MTMR8: variants seen among roughly 807,000 people sequenced by gnomAD.
MTMR8 encodes myotubularin related protein 8.
A neutral mutation model predicts 39.3 loss-of-function variants in MTMR8; 65 were observed. The ratio of observed to expected loss-of-function variants is 1.65; its 90% CI spans 1.35 to 2.03. MTMR8 has a LOEUF of 2.03. MTMR8 is among the 30% of genes most tolerant of loss of function. The pLI is 0.00. For synonymous variants in MTMR8, 245 were observed against 185.2 expected (o/e 1.32, Z -2.62); for missense variants, 777 against 538.9 (o/e 1.44, Z -4.37).
intron 12 of MTMR8, among the ~76,000 whole-genome samples, chrX:64,281,063 G>A (rs1453221864): frequency 1.8e-5 from 2 of 111,298 alleles, no homozygotes; most frequent in Non-Finnish European, 3.8e-5. Context: ...ACAAACAAAT[G>A]GAAAAACATT....
intron 8 of MTMR8, among the ~76,000 whole-genome samples, chrX:64,339,139 G>A (rs1432054410): frequency 1.8e-5 from 2 of 111,302 alleles, no homozygotes; most frequent in Non-Finnish European, 3.8e-5. Context: ...AATAGAGATA[G>A]TAGTATACAC....
At position 64,268,591 on chromosome X, in the gene MTMR8, G is replaced by C; in HGVS notation, c.2061C>G (p.Asp687Glu). ...GFSGDMGILGDTGISKASTKE... is the reference protein window; with the variant it reads ...GFSGDMGILGETGISKASTKE... ...TGGTGCTGGCCTTGGAGATGCCTGTGTCCCCCAAGATGCCCATGTCCCCAG... is the reference window on the plus strand; with the variant it reads ...TGGTGCTGGCCTTGGAGATGCCTGTCTCCCCCAAGATGCCCATGTCCCCAG... Residue 687 changes from aspartate to glutamate, a missense_variant, in exon 14 of 14, where the codon GAC becomes GAG. Coordinates refer to ENST00000374852, the MANE Select transcript of MTMR8 (RefSeq NM_017677.4). 1 of 1,211,038 alleles carries C rather than the reference G, an allele frequency of 8.3e-7. No individual in the cohort carries two copies. The highest frequency in any genetic ancestry group is 1.1e-6 in the Non-Finnish European group (1 of 895,251).
intron 1 of MTMR8, among the ~76,000 whole-genome samples, chrX:64,367,668 A>C (rs919922787): frequency 2.4e-4 from 27 of 112,167 alleles, no homozygotes; most frequent in African/African-American, 7.8e-4. Context: ...GAATGGGCAA[A>C]AACTGGAAGC....
At chrX:64,283,337 T>C (rs1921031172) in intron 12 of MTMR8, among the ~76,000 whole-genome samples, 2 of 112,014 alleles carry the variant, frequency 1.8e-5, no homozygotes, top group Non-Finnish European at 3.8e-5. Context: ...AAGCTCGAAA[T>C]GGGTGGAGCG....
At chrX:64,295,897 T>A (rs1170232441) in intron 12 of MTMR8, among the ~76,000 whole-genome samples, 1 of 111,844 alleles carries the variant, frequency 8.9e-6, no homozygotes, top group Admixed American at 9.5e-5. Context: ...GAAAACAACT[T>A]CGAAGTCGTT....
chrX:64,372,558 T>A (rs1245620571), intron 1 of MTMR8, among the ~76,000 whole-genome samples: 1 of 112,188 alleles, frequency 8.9e-6, no homozygotes, highest in Non-Finnish European at 1.9e-5. Flanking sequence ...AAGAATATTA[T>A]ATAAACAGAA....
chrX:64,363,225 G>T (rs1411128645), intron 1 of MTMR8, among the ~76,000 whole-genome samples: 2 of 111,762 alleles, frequency 1.8e-5, no homozygotes, highest in African/African-American at 6.5e-5. Flanking sequence ...CCATCACTTT[G>T]AGAATAGTCA....
Position 64,375,450 on chromosome X carries a change from G to T in MTMR8, c.25-15923C>A, listed in dbSNP as rs189516893. 1.4e-3 allele frequency among the ~76,000 whole-genome samples: 157 copies of T among 111,414 alleles called. 2 individuals are homozygous for T. Among genetic ancestry groups the T allele is most frequent in the Middle Eastern group, 4.7e-3 (1 of 215 alleles). On this transcript the variant is annotated intron_variant, in intron 1 of 13. Transcript: ENST00000374852. ...ACATATATTAATATAAGACATAAAA[G>T]ACTTCAGAGCAAGGAAAGTTATCAG...
chrX:64,270,867 C>T, intron 13 of MTMR8, 80 bp downstream of exon 13: 3 of 1,082,068 alleles, frequency 2.8e-6, no homozygotes, highest in Non-Finnish European at 3.7e-6. Context: ...CAGCTTTCCA[C>T]AAGTATCAAT....
At chrX:64,325,138 G>C (rs1922756547) in intron 12 of MTMR8, among the ~76,000 whole-genome samples, 1 of 111,741 alleles carries the variant, frequency 8.9e-6, no homozygotes, top group Non-Finnish European at 1.9e-5. Context: ...CAGACCAATA[G>C]TGAGTAATGA....
chrX:64,359,700 C>T (rs941631178), intron 1 of MTMR8, among the ~76,000 whole-genome samples, 173 bp from the exon 2 acceptor site: 5 of 110,204 alleles, frequency 4.5e-5, no homozygotes, highest in East Asian at 2.8e-4. Flanking sequence ...GAAATCAGTG[C>T]GGGAAAAACT....
At chrX:64,350,789 A>G (rs1923467946) in intron 4 of MTMR8, among the ~76,000 whole-genome samples, 1 of 111,270 alleles carries the variant, frequency 9.0e-6, no homozygotes, top group Non-Finnish European at 1.9e-5. Flanking sequence ...TCTCAAGTTT[A>G]TCAGCTTTTA....
chrX:64,318,193 T>G (rs1045804107), intron 12 of MTMR8, among the ~76,000 whole-genome samples: 1 of 112,201 alleles, frequency 8.9e-6, no homozygotes, highest in African/African-American at 3.2e-5. Context: ...GGATTTAAAT[T>G]CCAACTCCCC....
chrX:64,322,052 T>G (rs767843090), intron 12 of MTMR8, among the ~76,000 whole-genome samples: 3 of 110,646 alleles, frequency 2.7e-5, no homozygotes, highest in Admixed American at 9.6e-5. Flanking sequence ...ATTTTTGTTT[T>G]TTTTTTTTTG....
Position 64,331,522 on chromosome X carries a change from T to G in MTMR8, c.1352+35A>C, listed in dbSNP as rs192958508. 20 of 1,171,196 alleles carry G rather than the reference T, an allele frequency of 1.7e-5. No individual in the cohort carries two copies. The African/African-American group carries it at 2.7e-4, about 16-fold the overall frequency. On this transcript the variant is annotated intron_variant, in intron 11 of 13. Coordinates refer to ENST00000374852, the MANE Select transcript of MTMR8 (RefSeq NM_017677.4). ...CATTCTTTTTGCACTGACCACCTTC[T>G]CCCTGTTCAGTGTCTTCTCACAAAG...
intron 13 of MTMR8, 115 bp downstream of exon 13, chrX:64,270,832 A>G (rs985153695): frequency 1.1e-5 from 9 of 830,192 alleles, no homozygotes; most frequent in African/African-American, 2.1e-5. Flanking sequence ...ATGAAAAGCC[A>G]AAGAGTATAA....
chrX:64,353,783 C>T (rs1411373624), intron 4 of MTMR8, among the ~76,000 whole-genome samples: 1 of 109,895 alleles, frequency 9.1e-6, no homozygotes, highest in East Asian at 2.9e-4. Flanking sequence ...ACAAATTCGC[C>T]AGGCATGGGT....
intron 10 of MTMR8, among the ~76,000 whole-genome samples, chrX:64,332,693 G>T (rs1011046369): frequency 1.8e-5 from 2 of 111,396 alleles, no homozygotes; most frequent in Non-Finnish European, 3.8e-5. Context: ...ATAATCTGAT[G>T]GTCTTAAGCT....
chrX:64,374,958 C>G (rs1463884845), intron 1 of MTMR8, among the ~76,000 whole-genome samples: 1 of 107,639 alleles, frequency 9.3e-6, no homozygotes, highest in Non-Finnish European at 1.9e-5. Context: ...TCCCTTAAAG[C>G]CTCCAGAGAG....
Sources: gnomAD v4.1 joint callset for allele counts (sites outside exome capture counted in the v4.1 genomes callset) on GRCh38, gnomAD v4.1.1 for gene constraint, MANE v1.5 for transcripts, NCBI Gene and HGNC (gene_info 2026-07-23, HGNC 2026-07-21) for gene names.